Variants in DSCAML1 observed in about 807,000 individuals in gnomAD.
The protein encoded by DSCAML1 is DS cell adhesion molecule like 1, also known as cell adhesion molecule DSCAML1.
Under a neutral mutation model 200.5 loss-of-function variants are expected in DSCAML1, and 38 were observed. That is an observed-to-expected ratio of 0.19 (90% CI 0.15 to 0.25). The LOEUF (loss-of-function observed/expected upper bound fraction) is 0.25. Among genes scored for constraint, DSCAML1 ranks in the 10% least tolerant of loss-of-function variants. The pLI is 1.00. For missense variants in DSCAML1, 2,223 were observed against 2,858.8 expected (o/e 0.78, Z 5.07); for synonymous variants, 1,215 against 1,165.0 (o/e 1.04, Z -0.87).
At chr11:117,428,921 T>C (rs1250205621) in intron 32 of DSCAML1, 118 bp from the exon 33 acceptor site, 2 of 885,584 alleles carry the variant, frequency 2.3e-6, no homozygotes, top group Admixed American at 2.7e-5. Flanking sequence ...TAGGGGCCCC[T>C]CCACTGGGGG....
In DSCAML1 at chr11:117,780,241, A is replaced by G. The variant is rs2055216104; in HGVS notation, c.364+252T>C. Among the ~76,000 whole-genome samples the G allele has an allele frequency of 1.4e-5, 1 of 71,796 alleles. No individual in the cohort carries two copies. Among genetic ancestry groups the G allele is most frequent in the Non-Finnish European group, 3.0e-5 (1 of 32,902 alleles). 47.1% of individuals were successfully genotyped at this position (71,796 alleles called of 152,430 possible). ...AGAGAAAGAAAGAAAGGAAAGAAAGAAAGAAAGAAAGAAAGAAAGAAAGAA... is the reference window on the plus strand; with the variant it reads ...AGAGAAAGAAAGAAAGGAAAGAAAGGAAGAAAGAAAGAAAGAAAGAAAGAA... On this transcript the variant is annotated intron_variant, in intron 2 of 32. Coordinates refer to ENST00000651296, the MANE Select transcript of DSCAML1 (RefSeq NM_020693.4). The surrounding 1 kb of genome is among the most constrained non-coding windows in gnomAD (Gnocchi z 4.8).
In DSCAML1 at chr11:117,566,011, G is replaced by T. The variant is rs528079066; in HGVS notation, c.512-33489C>A. ...GCCTGAGGACTGGTAGCCTAAGCCA[G>T]GTTCTCAGAGCTCATGCTGATCTTA... On this transcript the variant is annotated intron_variant, in intron 3 of 32. Coordinates refer to ENST00000651296, the MANE Select transcript of DSCAML1 (RefSeq NM_020693.4). Among the ~76,000 whole-genome samples, 192 of 152,344 alleles carry T rather than the reference G, an allele frequency of 1.3e-3. 7 individuals carry two copies. The South Asian group carries it at 0.039, about 31-fold the overall frequency.
intron 3 of DSCAML1, among the ~76,000 whole-genome samples, chr11:117,552,071 A>C (rs1448457815): frequency 6.6e-6 from 1 of 150,990 alleles, no homozygotes; most frequent in Non-Finnish European, 1.5e-5. Context: ...AGCTGCGGGG[A>C]AGGGAGAGAG....
intron 1 of DSCAML1, among the ~76,000 whole-genome samples, chr11:117,813,455 C>A (rs887727183): frequency 6.6e-6 from 1 of 152,334 alleles, no homozygotes; most frequent in East Asian, 1.9e-4. Context: ...GATATCTCCT[C>A]GTGCTATCTC....
intron 3 of DSCAML1, among the ~76,000 whole-genome samples, 163 bp downstream of exon 3, chr11:117,776,628 C>CTT (rs142431704): frequency 6.9e-6 from 1 of 145,330 alleles, no homozygotes. Flanking sequence ...AGACCAAAGA[C>CTT]TTTTTTTTTT....
chr11:117,428,257 A>T lies in DSCAML1; in HGVS notation c.*71T>A. 1.1e-6 allele frequency: 1 copy of T among 908,018 alleles called. No homozygotes were observed. The allele number at this position is 908,018 out of a possible 1,614,324, so 56.2% of individuals were successfully genotyped here. A position where few individuals can be genotyped will look rare whatever the true frequency, so the allele number is the denominator to read the frequency against. On this transcript the variant is annotated 3_prime_UTR_variant, in exon 33 of 33. Coordinates refer to ENST00000651296, the MANE Select transcript of DSCAML1 (RefSeq NM_020693.4). ...TGTCAGTTGAATATAAATAATGCAGAAAAACAGCCGAGCTGGCGTGTGGGG... is the reference window on the plus strand; with the variant it reads ...TGTCAGTTGAATATAAATAATGCAGTAAAACAGCCGAGCTGGCGTGTGGGG...
chr11:117,455,483 T>C (rs898449151), intron 19 of DSCAML1, among the ~76,000 whole-genome samples: 10 of 152,152 alleles, frequency 6.6e-5, no homozygotes, highest in Admixed American at 5.9e-4. Flanking sequence ...TATTGCTAGG[T>C]TTGGTATTCA....
intron 20 of DSCAML1, among the ~76,000 whole-genome samples, chr11:117,447,544 TTA>T (rs1409661925): frequency 5.3e-5 from 8 of 152,230 alleles, no homozygotes; most frequent in Admixed American, 2.0e-4. Flanking sequence ...CTCTATTCTT[TTA>T]TATGTTTTAC....
At chr11:117,659,712 C>T (rs1360728493) in intron 3 of DSCAML1, among the ~76,000 whole-genome samples, 2 of 144,142 alleles carry the variant, frequency 1.4e-5, no homozygotes, top group Non-Finnish European at 3.1e-5. Context: ...TGTCTTCTGC[C>T]TCACACATTT....
At chr11:117,806,289 G>T (rs1417885136) in intron 1 of DSCAML1, among the ~76,000 whole-genome samples, 1 of 152,186 alleles carries the variant, frequency 6.6e-6, no homozygotes, top group East Asian at 1.9e-4. Flanking sequence ...GGAAGGATAT[G>T]CAGAGAGGCA....
At chr11:117,626,490 A>G (rs2137561804) in intron 3 of DSCAML1, among the ~76,000 whole-genome samples, 1 of 152,248 alleles carries the variant, frequency 6.6e-6, no homozygotes, top group East Asian at 1.9e-4. Flanking sequence ...TGAGTGGGCC[A>G]TTATCAGGTA....
chr11:117,674,519 C>T (rs1193876889), intron 3 of DSCAML1, among the ~76,000 whole-genome samples: 1 of 152,144 alleles, frequency 6.6e-6, no homozygotes, highest in Non-Finnish European at 1.5e-5. Context: ...TGATTGGGGC[C>T]ATGCATACCA....
intron 3 of DSCAML1, among the ~76,000 whole-genome samples, chr11:117,719,652 T>C (rs1397096494): frequency 6.6e-6 from 1 of 152,264 alleles, no homozygotes; most frequent in Non-Finnish European, 1.5e-5. Flanking sequence ...ATACCCATTT[T>C]ATAGATGACA....
At position 117,428,428 on chromosome 11, in the gene DSCAML1, C is replaced by G. The variant is rs1327920172; in HGVS notation, c.6062G>C (p.Gly2021Ala). Residue 2021 changes from glycine to alanine, a missense_variant, in exon 33 of 33, where the codon GGG (glycine) becomes GCG (alanine). Transcript: ENST00000651296. Reference protein sequence around the residue: ...PRAGGPHTKMGGSRDSLLEMS... With the variant: ...PRAGGPHTKMAGSRDSLLEMS... ...CTCGAGAAGCGAGTCCCTGGAGCCC[C>G]CCATTTTGGTGTGTGGGCCCCCGGC... 6.4e-7 allele frequency: 1 copy of G among 1,550,756 alleles called. No homozygotes were observed. Among genetic ancestry groups the G allele is most frequent in the East Asian group, 2.3e-5 (1 of 44,190 alleles).
At chr11:117,749,166 C>T (rs1354897552) in intron 3 of DSCAML1, among the ~76,000 whole-genome samples, 1 of 152,220 alleles carries the variant, frequency 6.6e-6, no homozygotes, top group Admixed American at 6.5e-5. Flanking sequence ...GCCCCCTCTG[C>T]CCTGGTTCCC....
chr11:117,752,604 A>C (rs1279668072), intron 3 of DSCAML1, among the ~76,000 whole-genome samples: 2 of 152,130 alleles, frequency 1.3e-5, no homozygotes, highest in Admixed American at 1.3e-4. Flanking sequence ...GGTTGGTTGG[A>C]ACTTGGGCCT....
At chr11:117,759,736 T>G (rs951228611) in intron 3 of DSCAML1, among the ~76,000 whole-genome samples, 1 of 74,682 alleles carries the variant, frequency 1.3e-5, no homozygotes, top group Non-Finnish European at 3.7e-5. Flanking sequence ...CAGGGAGCAG[T>G]GAAAAAAGAA....
At chr11:117,488,937 C>T (rs926414052) in intron 11 of DSCAML1, among the ~76,000 whole-genome samples, 8 of 152,246 alleles carry the variant, frequency 5.3e-5, no homozygotes, top group South Asian at 2.1e-4. Flanking sequence ...CATGGCCTCC[C>T]GCATGCCCAG....
At chr11:117,484,852 G>A (rs2049005651) in intron 11 of DSCAML1, among the ~76,000 whole-genome samples, 1 of 151,874 alleles carries the variant, frequency 6.6e-6, no homozygotes. Context: ...GTTCCTGAGA[G>A]GTTGCTGCTG....
Sources: allele counts gnomAD v4.1 joint callset (sites outside exome capture counted in the v4.1 genomes callset), GRCh38; gene constraint gnomAD v4.1.1; non-coding constraint Gnocchi (gnomAD v3.1); transcripts MANE v1.5; gene names NCBI Gene and HGNC (gene_info 2026-07-23, HGNC 2026-07-21).